PHTF1: variants seen among roughly 807,000 people sequenced by gnomAD.
PHTF1 encodes the protein putative homeodomain transcription factor 1, also known as protein PHTF1.
PHTF1 carries 88 observed loss-of-function variants against 102.4 expected under a neutral mutation model. The observed-to-expected ratio is 0.86, with a 90% CI of 0.72 to 1.03. The LOEUF (loss-of-function observed/expected upper bound fraction) is 1.03. Ranked by LOEUF, PHTF1 falls within the 50% of genes least tolerant of loss-of-function variation. PHTF1 has a pLI of 0.00. For missense variants in PHTF1, 814 were observed against 909.5 expected (o/e 0.89, Z 1.35); for synonymous variants, 289 against 305.2 (o/e 0.95, Z 0.55).
At chr1:113,711,427 A>T (rs1651075232) in intron 10 of PHTF1, among the ~76,000 whole-genome samples, 1 of 152,216 alleles carries the variant, frequency 6.6e-6, no homozygotes, top group African/African-American at 2.4e-5. Flanking sequence ...TGTCTTCATC[A>T]GCATCAATCC....
intron 3 of PHTF1, among the ~76,000 whole-genome samples, chr1:113,753,681 G>T (rs1658425251): frequency 6.6e-6 from 1 of 151,222 alleles, no homozygotes; most frequent in South Asian, 2.1e-4. Flanking sequence ...GCCTGCCTCG[G>T]CCTCCCTGCT....
chr1:113,746,102 C>G (rs562490695), intron 3 of PHTF1, among the ~76,000 whole-genome samples: 2 of 152,274 alleles, frequency 1.3e-5, no homozygotes, highest in South Asian at 4.2e-4. Flanking sequence ...AGCACTAAAC[C>G]TGGCTGTGTT....
intron 16 of PHTF1, among the ~76,000 whole-genome samples, chr1:113,700,576 T>C (rs77706272): frequency 0.017 from 2,617 of 152,304 alleles, 49 homozygotes; most frequent in Middle Eastern, 0.041. Context: ...TACAAAGTCT[T>C]TTCAATCCAT....
chr1:113,698,452 T>C lies in PHTF1; in HGVS notation c.2143-65A>G. ...TTCTCATAGCTACTCAGTGACTTCT[T>C]GCTGTGTTTTGTCTTGGGTATAGAT... is the stretch of plus-strand genomic sequence containing the variant. On this transcript the variant is annotated intron_variant, in intron 17 of 18. Coordinates refer to ENST00000369604, the MANE Select transcript of PHTF1 (RefSeq NM_001323043.2). 5 of 1,458,104 alleles carry C rather than the reference T, an allele frequency of 3.4e-6. No homozygotes were observed. The South Asian group carries it at 5.8e-5, about 17-fold the overall frequency. 90.3% of individuals were successfully genotyped at this position (1,458,104 alleles called of 1,614,324 possible).
intron 3 of PHTF1, 39 bp from the exon 4 acceptor site, chr1:113,738,838 G>A: frequency 3.0e-6 from 4 of 1,318,006 alleles, no homozygotes; most frequent in Admixed American, 2.1e-5. Flanking sequence ...CAGAAATAAA[G>A]AAAAGCCCTT....
intron 5 of PHTF1, among the ~76,000 whole-genome samples, chr1:113,733,495 C>T (rs1655023203): frequency 6.6e-6 from 1 of 152,088 alleles, no homozygotes; most frequent in African/African-American, 2.4e-5. Context: ...CCCAACAAAA[C>T]TCATATTGAA....
chr1:113,742,451 C>T (rs913128903), intron 3 of PHTF1, among the ~76,000 whole-genome samples: 8 of 151,954 alleles, frequency 5.3e-5, no homozygotes, highest in African/African-American at 1.7e-4. Flanking sequence ...TGGTGAAACC[C>T]CCGTCTCTAC....
intron 14 of PHTF1, 132 bp downstream of exon 14, chr1:113,704,534 C>A (rs1649834313): frequency 3.2e-6 from 2 of 628,824 alleles, no homozygotes; most frequent in East Asian, 5.4e-5. Context: ...AACTTGCTGT[C>A]CAGCAAGTCT....
At chr1:113,721,043 T>C (rs914808211) in intron 7 of PHTF1, among the ~76,000 whole-genome samples, 4 of 152,218 alleles carry the variant, frequency 2.6e-5, no homozygotes, top group Non-Finnish European at 5.9e-5. Context: ...AAGCAGAGTT[T>C]GCAGTGAGCC....
intron 16 of PHTF1, chr1:113,700,048 A>AT: frequency 2.7e-6 from 3 of 1,121,706 alleles, no homozygotes; most frequent in South Asian, 5.4e-5. Context: ...ACAATGAAAA[A>AT]TTTTAATATT....
chr1:113,718,497 G>A (rs1459757776), intron 7 of PHTF1, among the ~76,000 whole-genome samples: 4 of 152,238 alleles, frequency 2.6e-5, no homozygotes. Flanking sequence ...TAGGGACGCT[G>A]TGTGGGGGCT....
At chr1:113,702,645 G>GA (rs60605895) in intron 15 of PHTF1, among the ~76,000 whole-genome samples, 57,814 of 151,336 alleles carry the variant, frequency 0.38, 12,727 homozygotes, top group African/African-American at 0.6. Context: ...CCGGCTACCA[G>GA]AAAAAAAAGG....
chr1:113,739,213 C>T lies in PHTF1; in HGVS notation c.103-414G>A, dbSNP rs766589884. 1.0e-3 allele frequency among the ~76,000 whole-genome samples: 153 copies of T among 152,230 alleles called. 1 individual carries two copies. The highest frequency in any genetic ancestry group is 1.9e-3 in the Non-Finnish European group (126 of 67,998). ...ATTTCTTTTTCTCTATATCTGATTC[C>T]CTTTTACTGGGGACACTTTAATCCT... On this transcript the variant is annotated intron_variant, in intron 3 of 18. Coordinates refer to ENST00000369604, the MANE Select transcript of PHTF1 (RefSeq NM_001323043.2).
chr1:113,706,276 C>T, intron 12 of PHTF1, 114 bp from the exon 13 acceptor site: 1 of 909,206 alleles, frequency 1.1e-6, no homozygotes, highest in Non-Finnish European at 1.6e-6. Context: ...AGTATAAATA[C>T]AAATGACATA....
Position 113,705,870 on chromosome 1 carries a change from T to C in PHTF1, c.1671+20A>G. Reference sequence around the variant, plus strand: ...CATATACAAAAACAGGTAAAAAATTTTCCTTATTTCTCCACTGACCTGTTT... The same window carrying C: ...CATATACAAAAACAGGTAAAAAATTCTCCTTATTTCTCCACTGACCTGTTT... On this transcript the variant is annotated intron_variant, in intron 13 of 18. Coordinates refer to ENST00000369604, the MANE Select transcript of PHTF1 (RefSeq NM_001323043.2). The C allele has an allele frequency of 6.3e-7, 1 of 1,592,482 alleles. No individual in the cohort carries two copies. Among genetic ancestry groups the C allele is most frequent in the Non-Finnish European group, 8.5e-7 (1 of 1,170,206 alleles).
At chr1:113,750,385 C>G (rs1333104906) in intron 3 of PHTF1, among the ~76,000 whole-genome samples, 1 of 152,188 alleles carries the variant, frequency 6.6e-6, no homozygotes, top group Non-Finnish European at 1.5e-5. Context: ...CTCTGTGCTT[C>G]TGATTAGCCT....
rs751372169 is a variant in PHTF1 at position 113,700,781 on chromosome 1, G to A, written c.2046+13C>T. 9 of 1,611,300 alleles carry A rather than the reference G, an allele frequency of 5.6e-6. No individual in the cohort carries two copies. The East Asian group carries it at 1.8e-4, about 32-fold the overall frequency. The stretch of plus-strand genomic sequence containing the variant: ...CCTAACCACTAAACCCAATTGACAG[G>A]ACTGATCAATACCTGTTCTGTAAGT... On this transcript the variant is annotated intron_variant, in intron 16 of 18. Coordinates refer to ENST00000369604, the MANE Select transcript of PHTF1 (RefSeq NM_001323043.2).
intron 3 of PHTF1, among the ~76,000 whole-genome samples, chr1:113,745,452 A>G (rs1013657089): frequency 6.6e-6 from 1 of 152,184 alleles, no homozygotes; most frequent in Admixed American, 6.5e-5. Context: ...ATTTTTCTAT[A>G]AAGAGCCAGA....
chr1:113,734,089 A>C (rs1197058096), intron 5 of PHTF1, among the ~76,000 whole-genome samples: 10 of 152,006 alleles, frequency 6.6e-5, no homozygotes, highest in African/African-American at 1.2e-4. Context: ...ATGAAACCCT[A>C]TCTCTACTAA....
Sources: allele counts gnomAD v4.1 joint callset (sites outside exome capture counted in the v4.1 genomes callset), GRCh38; gene constraint gnomAD v4.1.1; transcripts MANE v1.5; gene names NCBI Gene and HGNC (gene_info 2026-07-23, HGNC 2026-07-21).